The following GPRIN2 variants were observed in gnomAD, a reference collection of about 807,000 sequenced individuals.
GPRIN2 encodes the protein G protein regulated inducer of neurite outgrowth 2, also known as G protein-regulated inducer of neurite outgrowth 2.
Under a neutral mutation model 0.3 loss-of-function variants are expected in GPRIN2, and 1 was observed. That is an observed-to-expected ratio of 3.90 (90% CI 1.39 to 18.51). The LOEUF (loss-of-function observed/expected upper bound fraction) is 18.51, where lower values mean the gene tolerates loss of function less well. Among genes scored for constraint, GPRIN2 ranks in the 30% most tolerant of loss-of-function variants. GPRIN2 has a pLI of 0.11. For synonymous variants in GPRIN2, 361 were observed against 258.6 expected (o/e 1.40, Z -3.80); for missense variants, 880 against 604.2 (o/e 1.46, Z -4.79).
In GPRIN2 at chr10:46,548,622, G is replaced by A. The variant is rs2131608687; in HGVS notation, c.*738C>T. On this transcript the variant is annotated 3_prime_UTR_variant, in exon 3 of 3. Transcript: ENST00000374314. ...CACACCATGAGCTCAGCCAGGGCAGGGGCAGCCTCTGTCTCATTCACCACA... is the reference window on the plus strand; with the variant it reads ...CACACCATGAGCTCAGCCAGGGCAGAGGCAGCCTCTGTCTCATTCACCACA... Among the ~76,000 whole-genome samples, 68 of 152,396 alleles carry A rather than the reference G, an allele frequency of 4.5e-4. No homozygotes were observed. The highest frequency in any genetic ancestry group is 1.6e-3 in the African/African-American group (66 of 41,584).
rs1369659775 is a variant in GPRIN2, at chr10:46,547,399, C to T, written c.*1961G>A. Among the ~76,000 whole-genome samples the T allele has an allele frequency of 6.6e-6, 1 of 152,306 alleles. No individual in the cohort carries two copies. The highest frequency in any genetic ancestry group is 1.5e-5 in the Non-Finnish European group (1 of 68,058). On this transcript the variant is annotated 3_prime_UTR_variant, in exon 3 of 3. Coordinates refer to ENST00000374314, the MANE Select transcript of GPRIN2 (RefSeq NM_001385282.1). Reference sequence around the variant, plus strand: ...CCCTTAAAGTTCCTTTCCTCATTTACATCAGGATCTTCACAATGGGGACCC... The same window carrying T: ...CCCTTAAAGTTCCTTTCCTCATTTATATCAGGATCTTCACAATGGGGACCC...
rs1832613147 is a variant in GPRIN2, at chr10:46,549,720, CG to C, written c.1016del (p.Ala339GlyfsTer28). The C allele has an allele frequency of 4.3e-6, 7 of 1,613,614 alleles. No individual in the cohort carries two copies. In the East Asian group the frequency reaches 1.6e-4, roughly 36 times the overall value. ...PLSAQDAGVQ[A>X]APVAACKAVA... ...CAGCCTTGCAGGCCGCCACTGGGGC[CG>C]CCTGCACACCAGCATCCTGGGCTGA... On this transcript the variant is annotated frameshift_variant, in exon 3 of 3. Transcript: ENST00000374314. LOFTEE classifies it low-confidence loss of function (END_TRUNC).
chr10:46,553,157 C>G (rs1842802264), intron 2 of GPRIN2, among the ~76,000 whole-genome samples: 1 of 152,308 alleles, frequency 6.6e-6, no homozygotes, highest in African/African-American at 2.4e-5. Context: ...CCCAAGGGCA[C>G]ACACCTGTGG....
At position 46,550,001 on chromosome 10, in the gene GPRIN2, A is replaced by G. The variant is rs1832522755; in HGVS notation, c.736T>C (p.Cys246Arg). The G allele has an allele frequency of 3.3e-6, 5 of 1,506,372 alleles. No homozygotes were observed. The highest frequency in any genetic ancestry group is 1.1e-5 in the South Asian group (1 of 88,372). 93.3% of individuals were successfully genotyped at this position (1,506,372 alleles called of 1,614,324 possible). ...CCTGTGGCAGGTAGGGCATGGCAGC[A>G]GCCACCAGCCCTCACCTCCCTCATG... ...CGMREVRAGG[C>R]CHALPATGIL... Residue 246 changes from cysteine (C) to arginine (R), a missense_variant, in exon 3 of 3, where the codon TGC (cysteine) becomes CGC (arginine). Cys to Arg is a radical substitution (Grantham distance 180). Transcript: ENST00000374314.
rs1456565083 is a variant in GPRIN2, at chr10:46,548,767, G to C, written c.*593C>G. On this transcript the variant is annotated 3_prime_UTR_variant, in exon 3 of 3. Transcript: ENST00000374314. ...CCACGGCTCAGCTGGCCCTGGCTTT[G>C]GATCTCAGTCCCACCTCTTCAAGCT... Among the ~76,000 whole-genome samples the C allele has an allele frequency of 6.6e-6, 1 of 152,312 alleles. No individual in the cohort carries two copies. Among genetic ancestry groups the C allele is most frequent in the African/African-American group, 2.4e-5 (1 of 41,488 alleles).
chr10:46,553,240 C>G (rs1257338103), intron 2 of GPRIN2, among the ~76,000 whole-genome samples: 1 of 152,312 alleles, frequency 6.6e-6, no homozygotes, highest in Non-Finnish European at 1.5e-5. Context: ...TTTTACTGAT[C>G]TGGCCTGGCC....
In GPRIN2 at chr10:46,550,244, C is replaced by T. The variant is rs1832437572; in HGVS notation, c.493G>A (p.Gly165Ser). Residue 165 changes from glycine to serine, a missense_variant, in exon 3 of 3, where the codon GGT (glycine) becomes AGT (serine). Physicochemically the swap from Gly to Ser is moderately conservative, Grantham distance 56 (BLOSUM62 0). Transcript: ENST00000374314. ...TCCAGGCCTGCAGGGGCCTGGCCAC[C>T]CTGGCCAGAAGTACCACCTGGCTGC... is the stretch of plus-strand genomic sequence containing the variant. ...QLQPGGTSGQ[G>S]GQAPAGLERD... 4 of 1,609,024 alleles carry T rather than the reference C, an allele frequency of 2.5e-6. No individual in the cohort carries two copies. The African/African-American group carries it at 4.0e-5, about 16-fold the overall frequency.
Position 46,549,999 on chromosome 10 carries a change from G to A in GPRIN2, c.738C>T (p.Cys246=), listed in dbSNP as rs927541583. The A allele has an allele frequency of 1.9e-6, 3 of 1,567,662 alleles. No individual in the cohort carries two copies. The highest frequency in any genetic ancestry group is 1.7e-5 in the Admixed American group (1 of 59,544). The stretch of plus-strand genomic sequence containing the variant: ...TCCCTGTGGCAGGTAGGGCATGGCA[G>A]CAGCCACCAGCCCTCACCTCCCTCA... ...CGMREVRAGG[C]CHALPATGIL... is the part of the protein sequence containing the mutation. The change falls in exon 3 of 3, where the codon TGC becomes TGT. Residue 246 remains cysteine, a synonymous_variant. Coordinates refer to ENST00000374314, the MANE Select transcript of GPRIN2 (RefSeq NM_001385282.1).
chr10:46,550,264 G>C lies in GPRIN2; in HGVS notation c.473C>G (p.Pro158Arg). Residue 158 changes from proline (P) to arginine (R), a missense_variant, in exon 3 of 3, where the codon CCA becomes CGA. Pro to Arg is a moderately radical substitution (Grantham distance 103, BLOSUM62 -2). Coordinates refer to ENST00000374314, the MANE Select transcript of GPRIN2 (RefSeq NM_001385282.1). Reference protein sequence around the residue: ...SSPVHRAQLQPGGTSGQGGQA... With the variant: ...SSPVHRAQLQRGGTSGQGGQA... Reference sequence around the variant, plus strand: ...GCCACCCTGGCCAGAAGTACCACCTGGCTGCAGCTGAGCCCTGTGGACAGG... The same window carrying C: ...GCCACCCTGGCCAGAAGTACCACCTCGCTGCAGCTGAGCCCTGTGGACAGG... 1 of 1,611,130 alleles carries C rather than the reference G, an allele frequency of 6.2e-7. No homozygotes were observed. The highest frequency in any genetic ancestry group is 8.5e-7 in the Non-Finnish European group (1 of 1,178,496).
chr10:46,556,007 C>G (rs1831862959), intron 1 of GPRIN2, among the ~76,000 whole-genome samples: 144 of 152,326 alleles, frequency 9.5e-4, no homozygotes, highest in African/African-American at 3.3e-3. Context: ...CCCACCCGGA[C>G]TTAGGGAGAA....
chr10:46,554,146 T>A (rs1105348), intron 2 of GPRIN2, among the ~76,000 whole-genome samples: 1,927 of 151,144 alleles, frequency 0.013, no homozygotes, highest in Admixed American at 0.039. Flanking sequence ...TCTGCAATAG[T>A]GTTTGTTAAC....
rs1841844287 is a variant in GPRIN2, at chr10:46,542,606, G to C, written c.*6754C>G. Among the ~76,000 whole-genome samples the C allele has an allele frequency of 6.6e-6, 1 of 152,306 alleles. No homozygotes were observed. The highest frequency in any genetic ancestry group is 2.4e-5 in the African/African-American group (1 of 41,484). ...TTCCTGAGGCTCCCCGGGCCACGTG[G>C]AACTGTGAGTCAATTAAACCTCTTT... On this transcript the variant is annotated 3_prime_UTR_variant, in exon 3 of 3. Transcript: ENST00000374314.
At position 46,550,251 on chromosome 10, in the gene GPRIN2, A is replaced by C; in HGVS notation, c.486T>G (p.Ser162=). 6.2e-7 allele frequency: 1 copy of C among 1,610,280 alleles called. No homozygotes were observed. Among genetic ancestry groups the C allele is most frequent in the African/African-American group, 1.3e-5 (1 of 75,020 alleles). ...HRAQLQPGGT[S]GQGGQAPAGL... ...CTGCAGGGGCCTGGCCACCCTGGCC[A>C]GAAGTACCACCTGGCTGCAGCTGAG... Residue 162 remains serine (S), a synonymous_variant, in exon 3 of 3, where the codon TCT becomes TCG. Transcript: ENST00000374314.
rs556435313 is a variant in GPRIN2 at position 46,547,771 on chromosome 10, C to G, written c.*1589G>C. 6.6e-6 allele frequency among the ~76,000 whole-genome samples: 1 copy of G among 152,304 alleles called. No individual in the cohort carries two copies. The highest frequency in any genetic ancestry group is 2.4e-5 in the African/African-American group (1 of 41,486). ...GTGAGCTGCCTGCCCTGGCACCATA[C>G]ACAAAGGGACTGACAGCCCCAGAAT... On this transcript the variant is annotated 3_prime_UTR_variant, in exon 3 of 3. Coordinates refer to ENST00000374314, the MANE Select transcript of GPRIN2 (RefSeq NM_001385282.1).
In GPRIN2 at chr10:46,544,232, C is replaced by T. The variant is rs1327874019; in HGVS notation, c.*5128G>A. On this transcript the variant is annotated 3_prime_UTR_variant, in exon 3 of 3. Coordinates refer to ENST00000374314, the MANE Select transcript of GPRIN2 (RefSeq NM_001385282.1). Reference sequence around the variant, plus strand: ...AGGAGCCCGGGTGTGCCAGAAACAGCCTTTCATAATACAAGATGGACAGGA... The same window carrying T: ...AGGAGCCCGGGTGTGCCAGAAACAGTCTTTCATAATACAAGATGGACAGGA... 1.3e-5 allele frequency among the ~76,000 whole-genome samples: 2 copies of T among 152,308 alleles called. No individual in the cohort carries two copies. Among genetic ancestry groups the T allele is most frequent in the South Asian group, 4.1e-4 (2 of 4,838 alleles).
In GPRIN2 at chr10:46,547,069, G is replaced by A. The variant is rs1435699832; in HGVS notation, c.*2291C>T. Among the ~76,000 whole-genome samples, 1 of 152,306 alleles carries A rather than the reference G, an allele frequency of 6.6e-6. No individual in the cohort carries two copies. The highest frequency in any genetic ancestry group is 1.5e-5 in the Non-Finnish European group (1 of 68,058). ...GTTTCACTGGTCCCAGCCAAACCCT[G>A]TGGCAGGTGGCCCTTTCTGCACCTG... On this transcript the variant is annotated 3_prime_UTR_variant, in exon 3 of 3. Coordinates refer to ENST00000374314, the MANE Select transcript of GPRIN2 (RefSeq NM_001385282.1).
rs1832880670 is a variant in GPRIN2 at position 46,546,852 on chromosome 10, G to A, written c.*2508C>T. Reference sequence around the variant, plus strand: ...CTGGGGCCCCAGCCAAGACACAGGTGTTGGATTTCAGCACCGCTCTGCAAA... The same window carrying A: ...CTGGGGCCCCAGCCAAGACACAGGTATTGGATTTCAGCACCGCTCTGCAAA... On this transcript the variant is annotated 3_prime_UTR_variant, in exon 3 of 3. Coordinates refer to ENST00000374314, the MANE Select transcript of GPRIN2 (RefSeq NM_001385282.1). Among the ~76,000 whole-genome samples the A allele has an allele frequency of 6.6e-6, 1 of 152,428 alleles. No homozygotes were observed. Among genetic ancestry groups the A allele is most frequent in the East Asian group, 1.9e-4 (1 of 5,196 alleles).
rs1484813135 is a variant in GPRIN2 at position 46,547,174 on chromosome 10, T to C, written c.*2186A>G. On this transcript the variant is annotated 3_prime_UTR_variant, in exon 3 of 3. Transcript: ENST00000374314. ...AACTGGAAACCTCAGCATCCTGAAA[T>C]GCCTCCTCCCCAAATCCATTGCACA... is the stretch of plus-strand genomic sequence containing the variant. Among the ~76,000 whole-genome samples, 2 of 152,306 alleles carry C rather than the reference T, an allele frequency of 1.3e-5. No individual in the cohort carries two copies. The highest frequency in any genetic ancestry group is 2.9e-5 in the Non-Finnish European group (2 of 68,056).
rs138030134 is a variant in GPRIN2 at position 46,549,708 on chromosome 10, C to T, written c.1029G>A (p.Ala343=). The change falls in exon 3 of 3, where the codon GCG becomes GCA. Residue 343 remains alanine (A), a synonymous_variant. Transcript: ENST00000374314. ...QDAGVQAAPV[A]ACKAVATSPS... is the part of the protein sequence containing the mutation. Reference sequence around the variant, plus strand: ...GACTGGTGGCCACAGCCTTGCAGGCCGCCACTGGGGCCGCCTGCACACCAG... The same window carrying T: ...GACTGGTGGCCACAGCCTTGCAGGCTGCCACTGGGGCCGCCTGCACACCAG... 1.9e-3 allele frequency: 3,056 copies of T among 1,609,082 alleles called. No individual in the cohort carries two copies. The highest frequency in any genetic ancestry group is 2.2e-3 in the Non-Finnish European group (2,574 of 1,175,472).
Sources: gnomAD v4.1 joint callset for allele counts (sites outside exome capture counted in the v4.1 genomes callset) on GRCh38, gnomAD v4.1.1 for gene constraint, MANE v1.5 for transcripts, NCBI Gene and HGNC (gene_info 2026-07-23, HGNC 2026-07-21) for gene names.